Variants in SNTG1 observed in about 807,000 individuals in gnomAD.
The protein encoded by SNTG1 is gamma-1-syntrophin.
In SNTG1, 39 loss-of-function variants were observed where a neutral mutation model predicts 74.7. The observed-to-expected ratio is 0.52, with a 90% CI of 0.40 to 0.68. SNTG1 has a LOEUF of 0.68. Among genes scored for constraint, SNTG1 ranks in the 30% least tolerant of loss-of-function variants. The pLI is 0.00. For missense variants in SNTG1, 685 were observed against 609.5 expected (o/e 1.12, Z -1.30); for synonymous variants, 254 against 217.1 (o/e 1.17, Z -1.49).
chr8:50,039,861 G>A (rs573443214), intron 1 of SNTG1, among the ~76,000 whole-genome samples: 47 of 152,244 alleles, frequency 3.1e-4, no homozygotes, highest in African/African-American at 1.1e-3. Context: ...CACTGAACTT[G>A]CTAATGATTG....
chr8:50,425,262 C>T (rs62517648), intron 4 of SNTG1, among the ~76,000 whole-genome samples: 129,531 of 151,622 alleles, frequency 0.85, 55,449 homozygotes, highest in Non-Finnish European at 0.89. Flanking sequence ...GAGGTGACTG[C>T]TGCTGGTCAC....
At chr8:50,148,533 A>G (rs1439035384) in intron 1 of SNTG1, among the ~76,000 whole-genome samples, 1 of 152,038 alleles carries the variant, frequency 6.6e-6, no homozygotes, top group East Asian at 1.9e-4. Flanking sequence ...CATTACATAT[A>G]TCTCCTAATG....
intron 2 of SNTG1, among the ~76,000 whole-genome samples, chr8:50,278,335 T>G (rs1008162027): frequency 6.6e-6 from 1 of 152,226 alleles, no homozygotes; most frequent in Non-Finnish European, 1.5e-5. Context: ...TCTTTAATCC[T>G]TGTAACTGCA....
At chr8:50,661,803 A>G (rs2095225255) in intron 15 of SNTG1, among the ~76,000 whole-genome samples, 1 of 152,158 alleles carries the variant, frequency 6.6e-6, no homozygotes, top group Non-Finnish European at 1.5e-5. Flanking sequence ...TACATCAAAT[A>G]CAATGTAAAT....
intron 9 of SNTG1, among the ~76,000 whole-genome samples, chr8:50,527,781 A>C (rs976164451): frequency 1.3e-5 from 2 of 152,006 alleles, no homozygotes; most frequent in Non-Finnish European, 2.9e-5. Context: ...GGAATTTTGA[A>C]TGGAACTAAA....
chr8:50,297,445 A>T (rs545971932), intron 2 of SNTG1, among the ~76,000 whole-genome samples: 1 of 152,226 alleles, frequency 6.6e-6, no homozygotes, highest in South Asian at 2.1e-4. Context: ...TTATTGAGTC[A>T]AGAAGTCACA....
intron 18 of SNTG1, among the ~76,000 whole-genome samples, chr8:50,762,015 A>G (rs745548621): frequency 6.6e-6 from 1 of 152,028 alleles, no homozygotes; most frequent in Non-Finnish European, 1.5e-5. Context: ...CCAAAAATAT[A>G]AAGTAGACAT....
At chr8:50,537,863 A>G (rs187621113) in intron 11 of SNTG1, among the ~76,000 whole-genome samples, 50 of 152,288 alleles carry the variant, frequency 3.3e-4, no homozygotes, top group African/African-American at 1.2e-3. Flanking sequence ...TTGTTCCAAT[A>G]AAACTTTTTC....
Position 50,617,378 on chromosome 8 carries a change from T to TCACA in SNTG1, c.849+26494_849+26497dup, listed in dbSNP as rs3999830. Among the ~76,000 whole-genome samples the TCACA allele has an allele frequency of 4.1e-3, 602 of 147,040 alleles. 1 individual carries two copies. Among genetic ancestry groups the TCACA allele is most frequent in the Non-Finnish European group, 5.3e-3 (352 of 66,292 alleles). On this transcript the variant is annotated intron_variant, in intron 13 of 18. Coordinates refer to ENST00000642720, the MANE Select transcript of SNTG1 (RefSeq NM_018967.5). ...CACCAATTAAGATCAAGTAAGCATT[T>TCACA]CACACACACACACACACACACACAC...
At chr8:50,454,307 C>T (rs1429654622) in intron 8 of SNTG1, among the ~76,000 whole-genome samples, 2 of 151,100 alleles carry the variant, frequency 1.3e-5, no homozygotes, top group African/African-American at 4.9e-5. Context: ...CCAGCCTGAC[C>T]AACATGGTGA....
In SNTG1 at chr8:50,123,934, A is replaced by G. The variant is rs915011351; in HGVS notation, c.-102-48627A>G. Among the ~76,000 whole-genome samples, 3 of 142,626 alleles carry G rather than the reference A, an allele frequency of 2.1e-5. 1 individual carries two copies. Among genetic ancestry groups the G allele is most frequent in the Non-Finnish European group, 4.7e-5 (3 of 63,990 alleles). The allele number at this position is 142,626 out of a possible 152,430, so 93.6% of individuals were successfully genotyped here. A position where few individuals can be genotyped will look rare whatever the true frequency, so the allele number is the denominator to read the frequency against. On this transcript the variant is annotated intron_variant, in intron 1 of 18. Coordinates refer to ENST00000642720, the MANE Select transcript of SNTG1 (RefSeq NM_018967.5). ...GTGACTTTGCTTTTAACAAAATTGAATATAAATAATATAGGGTTTTCAGTG... is the reference window on the plus strand; with the variant it reads ...GTGACTTTGCTTTTAACAAAATTGAGTATAAATAATATAGGGTTTTCAGTG...
rs1386515545 is a variant in SNTG1, at chr8:50,432,265, AT to A, written c.163-6277del. Among the ~76,000 whole-genome samples the A allele has an allele frequency of 1.4e-4, 21 of 152,162 alleles. No individual in the cohort carries two copies. In the East Asian group the frequency reaches 2.7e-3, roughly 20 times the overall value. ...CTCCAGCACTGTTTGTTGGAAAAAAATATCTTTGCTTTTCTCTATTGAATTG... is the reference window on the plus strand; with the variant it reads ...CTCCAGCACTGTTTGTTGGAAAAAAAATCTTTGCTTTTCTCTATTGAATTG... On this transcript the variant is annotated intron_variant, in intron 4 of 18. Coordinates refer to ENST00000642720, the MANE Select transcript of SNTG1 (RefSeq NM_018967.5).
intron 15 of SNTG1, among the ~76,000 whole-genome samples, chr8:50,686,495 T>G (rs1368787470): frequency 6.6e-6 from 1 of 152,124 alleles, no homozygotes; most frequent in Non-Finnish European, 1.5e-5. Flanking sequence ...AGGAGGAAAT[T>G]TAAACTTGTA....
chr8:50,454,419 C>T (rs1438600320), intron 8 of SNTG1, among the ~76,000 whole-genome samples: 1 of 152,126 alleles, frequency 6.6e-6, no homozygotes, highest in Non-Finnish European at 1.5e-5. Context: ...ATTGCTTGAA[C>T]CCGGGAGGCG....
chr8:50,644,911 C>G (rs2095097612), intron 13 of SNTG1, among the ~76,000 whole-genome samples: 1 of 145,060 alleles, frequency 6.9e-6, no homozygotes, highest in Non-Finnish European at 1.5e-5. Context: ...ACTTGCTATG[C>G]CCAGGTGCTT....
intron 2 of SNTG1, among the ~76,000 whole-genome samples, chr8:50,351,445 A>G (rs747840103): frequency 5.9e-5 from 9 of 152,226 alleles, no homozygotes; most frequent in Non-Finnish European, 1.2e-4. Context: ...ATTTGCCTTT[A>G]GAAACATTGT....
rs370070648 is a variant in SNTG1 at position 50,248,191 on chromosome 8, G to A, written c.-28+75556G>A. 1.2e-4 allele frequency among the ~76,000 whole-genome samples: 19 copies of A among 152,240 alleles called. 1 individual carries two copies. The highest frequency in any genetic ancestry group is 4.6e-4 in the African/African-American group (19 of 41,548). ...ATAAGCTCAGATTCTAAGGAACGAGGAGTTAGGACTTCAACATTTGCATAA... is the reference window on the plus strand; with the variant it reads ...ATAAGCTCAGATTCTAAGGAACGAGAAGTTAGGACTTCAACATTTGCATAA... On this transcript the variant is annotated intron_variant, in intron 2 of 18. Transcript: ENST00000642720.
rs151314303 is a variant in SNTG1 at position 50,504,926 on chromosome 8, G to A, written c.466+2046G>A. On this transcript the variant is annotated intron_variant, in intron 9 of 18. Coordinates refer to ENST00000642720, the MANE Select transcript of SNTG1 (RefSeq NM_018967.5). The stretch of plus-strand genomic sequence containing the variant: ...GCCTTAAGTCTATGTACATTATTGC[G>A]TAACATATCACCAGAAACTTTTGAT... Among the ~76,000 whole-genome samples the A allele has an allele frequency of 1.9e-3, 283 of 152,006 alleles. 6 individuals are homozygous for A. The South Asian group carries it at 0.038, about 21-fold the overall frequency.
At chr8:50,380,162 A>G (rs2131219847) in intron 2 of SNTG1, among the ~76,000 whole-genome samples, 1 of 152,348 alleles carries the variant, frequency 6.6e-6, no homozygotes, top group South Asian at 2.1e-4. Context: ...AACTAACATA[A>G]AAAGGTTAAA....
Sources: gnomAD v4.1 joint callset for allele counts (sites outside exome capture counted in the v4.1 genomes callset) on GRCh38, gnomAD v4.1.1 for gene constraint, MANE v1.5 for transcripts, NCBI Gene and HGNC (gene_info 2026-07-23, HGNC 2026-07-21) for gene names.